Variants in ABCB5 observed in about 807,000 individuals in gnomAD.
The protein encoded by ABCB5 is ATP-binding cassette sub-family B member 5.
Under a neutral mutation model 144.2 loss-of-function variants are expected in ABCB5, and 155 were observed. The observed-to-expected ratio is 1.08, with a 90% CI of 0.94 to 1.23. The LOEUF (loss-of-function observed/expected upper bound fraction) is 1.23, where lower values mean the gene tolerates loss of function less well. ABCB5 is among the 50% of genes most tolerant of loss of function. The pLI is 0.00. For synonymous variants in ABCB5, 610 were observed against 528.6 expected (o/e 1.15, Z -2.11); for missense variants, 1,830 against 1,520.8 (o/e 1.20, Z -3.38).
chr7:20,720,424 G>A (rs1254237546), intron 20 of ABCB5, among the ~76,000 whole-genome samples: 1 of 152,178 alleles, frequency 6.6e-6, no homozygotes, highest in African/African-American at 2.4e-5. Context: ...GAGAAACCTG[G>A]AAGAAACCAT....
chr7:20,658,582 C>T lies in ABCB5; in HGVS notation c.1613C>T (p.Ala538Val), dbSNP rs772373902. 7 of 1,614,106 alleles carry T rather than the reference C, an allele frequency of 4.3e-6. No individual in the cohort carries two copies. Among genetic ancestry groups the T allele is most frequent in the East Asian group, 2.2e-5 (1 of 44,882 alleles). The part of the protein sequence containing the change: ...GQKQRIAIAR[A>V]LVRNPKILIL... ...AAACAGAGGATCGCAATTGCTCGTG[C>T]CTTAGTTCGAAACCCCAAGATTCTG... Residue 538 changes from alanine to valine, a missense_variant, in exon 14 of 28, where the codon GCC becomes GTC. Ala to Val is a moderately conservative substitution (Grantham distance 64, BLOSUM62 0). Transcript: ENST00000404938.
intron 23 of ABCB5, among the ~76,000 whole-genome samples, chr7:20,738,525 G>T (rs1178734316): frequency 6.6e-6 from 1 of 152,146 alleles, no homozygotes; most frequent in Non-Finnish European, 1.5e-5. Flanking sequence ...CAGATAACCA[G>T]TCATTTAGCT....
At chr7:20,746,327 G>C (rs987160465) in intron 26 of ABCB5, among the ~76,000 whole-genome samples, 1 of 152,010 alleles carries the variant, frequency 6.6e-6, no homozygotes, top group Admixed American at 6.6e-5. Context: ...TCAAACTCCC[G>C]ACCTCAGGTG....
chr7:20,617,226 A>C (rs1783706897), intron 1 of ABCB5, among the ~76,000 whole-genome samples: 2 of 152,300 alleles, frequency 1.3e-5, no homozygotes, highest in East Asian at 3.9e-4. Context: ...CACAGTATAT[A>C]TCTATAGAAT....
chr7:20,671,645 C>G (rs141938495), intron 14 of ABCB5, among the ~76,000 whole-genome samples: 277 of 152,310 alleles, frequency 1.8e-3, no homozygotes, highest in African/African-American at 6.2e-3. Context: ...TAGAATGCAT[C>G]AATAGTTTGT....
intron 14 of ABCB5, chr7:20,659,132 C>T (rs576948289): frequency 1.3e-5 from 21 of 1,613,922 alleles, no homozygotes; most frequent in East Asian, 4.5e-5. Context: ...CTTGAACCAG[C>T]GCCCTTCGAC....
chr7:20,713,390 C>T lies in ABCB5; in HGVS notation c.2421+8583C>T, dbSNP rs1181838874. On this transcript the variant is annotated intron_variant, in intron 20 of 27. Coordinates refer to ENST00000404938, the MANE Select transcript of ABCB5 (RefSeq NM_001163941.2). ...CAGCTGAAATGAGAGGTACATGGTA[C>T]CACACTCAGCTAATTTTTTTAATTT... Among the ~76,000 whole-genome samples the T allele has an allele frequency of 1.3e-5, 2 of 148,834 alleles. 1 individual carries two copies. The highest frequency in any genetic ancestry group is 5.0e-5 in the African/African-American group (2 of 40,068).
intron 16 of ABCB5, among the ~76,000 whole-genome samples, chr7:20,693,895 C>T (rs145615631): frequency 2.0e-3 from 303 of 151,798 alleles, no homozygotes; most frequent in South Asian, 0.016. Context: ...AATCCTACAA[C>T]TCAGATGAAA....
At chr7:20,647,383 T>C in intron 9 of ABCB5, 152 bp from the exon 10 acceptor site, 1 of 1,377,818 alleles carries the variant, frequency 7.3e-7, no homozygotes, top group Non-Finnish European at 9.3e-7. Flanking sequence ...GTGTAATCTG[T>C]GTTCTTTTTT....
At chr7:20,623,991 G>T (rs946443273) in intron 2 of ABCB5, among the ~76,000 whole-genome samples, 4 of 152,184 alleles carry the variant, frequency 2.6e-5, no homozygotes, top group Non-Finnish European at 5.9e-5. Flanking sequence ...AACTTCCTTA[G>T]GCTAAAGCAA....
At chr7:20,625,866 T>A (rs954524478) in intron 2 of ABCB5, among the ~76,000 whole-genome samples, 6 of 152,212 alleles carry the variant, frequency 3.9e-5, no homozygotes, top group African/African-American at 1.4e-4. Context: ...CTAACAGCGT[T>A]ACTAGGAATA....
intron 26 of ABCB5, among the ~76,000 whole-genome samples, chr7:20,748,919 T>C (rs1173967575): frequency 2.6e-5 from 4 of 152,176 alleles, no homozygotes; most frequent in African/African-American, 4.8e-5. Context: ...ATTTAGCAAA[T>C]TGAATTGTGT....
chr7:20,720,943 CAAAAA>C (rs71020677), intron 20 of ABCB5, among the ~76,000 whole-genome samples: 1 of 71,056 alleles, frequency 1.4e-5, no homozygotes, highest in African/African-American at 5.2e-5. Context: ...AACTCTGCCT[CAAAAA>C]AAAAAAAAAA....
At chr7:20,620,398 T>C (rs1223712421) in intron 1 of ABCB5, among the ~76,000 whole-genome samples, 3 of 152,124 alleles carry the variant, frequency 2.0e-5, no homozygotes, top group East Asian at 1.9e-4. Context: ...AAAACGTAGA[T>C]AATTTTTTCT....
intron 16 of ABCB5, among the ~76,000 whole-genome samples, chr7:20,694,240 A>T (rs968615531): frequency 2.0e-5 from 3 of 152,030 alleles, no homozygotes; most frequent in African/African-American, 7.2e-5. Context: ...AAATGTAACA[A>T]ATCTAATCCA....
At chr7:20,618,761 T>G (rs1029989668) in intron 1 of ABCB5, among the ~76,000 whole-genome samples, 2 of 140,786 alleles carry the variant, frequency 1.4e-5, no homozygotes, top group Admixed American at 1.5e-4. Context: ...TGTGCTGCAT[T>G]TTCTTTTTTT....
chr7:20,620,934 C>T (rs770477874), intron 1 of ABCB5, among the ~76,000 whole-genome samples: 3 of 152,076 alleles, frequency 2.0e-5, no homozygotes, highest in Non-Finnish European at 2.9e-5. Flanking sequence ...CAAACAAATA[C>T]TTCTATGCCA....
chr7:20,625,725 A>T lies in ABCB5; in HGVS notation c.54-832A>T, dbSNP rs143617771. On this transcript the variant is annotated intron_variant, in intron 2 of 27. Transcript: ENST00000404938. ...AGGAATGTAAAATGGTGCAGTTGCT[A>T]TGGTGCAGTGTGAATGTTCCTCAAA... Among the ~76,000 whole-genome samples the T allele has an allele frequency of 7.5e-4, 114 of 152,336 alleles. 1 individual carries two copies. Among genetic ancestry groups the T allele is most frequent in the African/African-American group, 2.7e-3 (111 of 41,584 alleles).
intron 24 of ABCB5, among the ~76,000 whole-genome samples, chr7:20,740,347 T>C (rs1782524305): frequency 6.6e-6 from 1 of 152,250 alleles, no homozygotes; most frequent in Non-Finnish European, 1.5e-5. Context: ...AAATAGTCCA[T>C]TAGGTATATA....
Sources: gnomAD v4.1 joint callset for allele counts (sites outside exome capture counted in the v4.1 genomes callset) on GRCh38, gnomAD v4.1.1 for gene constraint, MANE v1.5 for transcripts, NCBI Gene and HGNC (gene_info 2026-07-23, HGNC 2026-07-21) for gene names.